Variants in ACAN observed in about 807,000 individuals in gnomAD.
The protein encoded by ACAN is aggrecan core protein.
A neutral mutation model predicts 169.1 loss-of-function variants in ACAN; 47 were observed. The ratio of observed to expected loss-of-function variants is 0.28; its 90% CI spans 0.22 to 0.35. ACAN has a LOEUF of 0.35. Among genes scored for constraint, ACAN ranks in the 10% least tolerant of loss-of-function variants. The pLI, the probability that ACAN is intolerant of heterozygous loss-of-function variation, is 1.00. For missense variants in ACAN, 2,716 were observed against 2,759.9 expected (o/e 0.98, Z 0.36); for synonymous variants, 1,115 against 1,112.2 (o/e 1.00, Z -0.05).
In ACAN at chr15:88,858,601, G is replaced by A; in HGVS notation, c.6016G>A (p.Gly2006Arg). The part of the protein sequence containing the change: ...GEPPGTPYFS[G>R]DFASTTNVSG... ...GCCACCAGGTACTCCATATTTTAGTGGGGATTTTGCCAGCACCACCAATGT... is the reference window on the plus strand; with the variant it reads ...GCCACCAGGTACTCCATATTTTAGTAGGGATTTTGCCAGCACCACCAATGT... The change falls in exon 12 of 19, where the codon GGG becomes AGG. Residue 2006 changes from glycine (G) to arginine (R), a missense_variant. Physicochemically the swap from Gly to Arg is moderately radical, Grantham distance 125. Transcript: ENST00000560601. The surrounding 1 kb of genome is among the most constrained non-coding windows in gnomAD (Gnocchi z 4.0). The A allele has an allele frequency of 1.2e-6, 2 of 1,613,940 alleles. No individual in the cohort carries two copies. Among genetic ancestry groups the A allele is most frequent in the Non-Finnish European group, 1.7e-6 (2 of 1,179,904 alleles).
chr15:88,853,597 C>T (rs28499259), intron 11 of ACAN, among the ~76,000 whole-genome samples: 4,210 of 152,056 alleles, frequency 0.028, 199 homozygotes, highest in African/African-American at 0.097. Context: ...AAGATGGTGC[C>T]ACCGCACTGC....
intron 1 of ACAN, among the ~76,000 whole-genome samples, chr15:88,821,153 A>G (rs1896066080): frequency 6.6e-6 from 1 of 152,166 alleles, no homozygotes; most frequent in Non-Finnish European, 1.5e-5. Flanking sequence ...GGGAACTACA[A>G]CTGAAAATGA....
At chr15:88,841,594 A>G (rs576539620) in intron 4 of ACAN, 146 bp from the exon 5 acceptor site, 1 of 1,036,206 alleles carries the variant, frequency 9.7e-7, no homozygotes, top group Non-Finnish European at 1.4e-6. Flanking sequence ...GTAAAAACAG[A>G]TAGGCAGTTG....
chr15:88,823,226 G>C (rs977981947), intron 1 of ACAN, among the ~76,000 whole-genome samples: 2 of 152,182 alleles, frequency 1.3e-5, no homozygotes. Flanking sequence ...CAAGATCCCT[G>C]CCCAGGAAAG....
At chr15:88,825,817 T>G (rs551301426) in intron 1 of ACAN, among the ~76,000 whole-genome samples, 2 of 152,076 alleles carry the variant, frequency 1.3e-5, no homozygotes, top group Non-Finnish European at 2.9e-5. Context: ...CACCCCCACC[T>G]CCAGAAGCAG....
chr15:88,850,144 C>T, intron 10 of ACAN: 1 of 467,096 alleles, frequency 2.1e-6, no homozygotes, highest in East Asian at 3.4e-5. Flanking sequence ...TAAATGTTAG[C>T]TTTATTTCAT....
In ACAN at chr15:88,841,880, G is replaced by A. The variant is rs1288036911; in HGVS notation, c.757+13G>A. The A allele has an allele frequency of 1.6e-5, 25 of 1,611,270 alleles. No homozygotes were observed. Among genetic ancestry groups the A allele is most frequent in the African/African-American group, 6.7e-5 (5 of 74,392 alleles). ...GAGGAGATGGAGGGTGAGCTGCCCT[G>A]CCCACCAGGAGGCACCCAGCTCCCT... On this transcript the variant is annotated intron_variant, in intron 5 of 18. Transcript: ENST00000560601.
At chr15:88,819,923 T>G (rs1896032210) in intron 1 of ACAN, among the ~76,000 whole-genome samples, 1 of 152,110 alleles carries the variant, frequency 6.6e-6, no homozygotes, top group South Asian at 2.1e-4. Context: ...AGAGCCCAGC[T>G]TTTGGAGTCA....
chr15:88,872,284 G>A lies in ACAN; in HGVS notation c.7302+199G>A, dbSNP rs1423184042. On this transcript the variant is annotated intron_variant, in intron 16 of 18. Coordinates refer to ENST00000560601, the MANE Select transcript of ACAN (RefSeq NM_001369268.1). This position sits in a 1 kb window ranked among gnomAD's most constrained non-coding sequence, Gnocchi z 5.4. The stretch of plus-strand genomic sequence containing the variant: ...GGCTGGACAGATTGAGCTAATGATG[G>A]CAAGAGGCAAGGAGCCAGGAAGGAA... 6.6e-6 allele frequency among the ~76,000 whole-genome samples: 1 copy of A among 152,188 alleles called. No individual in the cohort carries two copies. Among genetic ancestry groups the A allele is most frequent in the Non-Finnish European group, 1.5e-5 (1 of 68,020 alleles).
At chr15:88,846,892 C>G (rs1271426514) in intron 7 of ACAN, among the ~76,000 whole-genome samples, 1 of 152,214 alleles carries the variant, frequency 6.6e-6, no homozygotes, top group East Asian at 1.9e-4. Context: ...AAAACGCTTC[C>G]AACTCCTGTT....
At chr15:88,810,799 C>T (rs942184557) in intron 1 of ACAN, among the ~76,000 whole-genome samples, 7 of 152,166 alleles carry the variant, frequency 4.6e-5, no homozygotes, top group Admixed American at 2.6e-4. Flanking sequence ...GAGATGGGGG[C>T]TTGGAGGCGG....
At position 88,869,111 on chromosome 15, in the gene ACAN, C is replaced by G. The variant is rs528093325; in HGVS notation, c.7060+782C>G. Among the ~76,000 whole-genome samples the G allele has an allele frequency of 1.3e-5, 2 of 152,316 alleles. No homozygotes were observed. Among genetic ancestry groups the G allele is most frequent in the East Asian group, 3.9e-4 (2 of 5,182 alleles). ...GGAACCCTCCCAGGGACAGACTGAA[C>G]CCTCAGCTCTCTCACCTTTGGTGCT... On this transcript the variant is annotated intron_variant, in intron 14 of 18. Coordinates refer to ENST00000560601, the MANE Select transcript of ACAN (RefSeq NM_001369268.1). The surrounding 1 kb of genome is among the most constrained non-coding windows in gnomAD (Gnocchi z 4.2).
intron 1 of ACAN, among the ~76,000 whole-genome samples, chr15:88,813,586 A>C (rs755616552): frequency 3.3e-4 from 51 of 152,306 alleles, no homozygotes; most frequent in Non-Finnish European, 7.1e-4. Context: ...AGCTGCTTTT[A>C]GGAATAAATG....
intron 1 of ACAN, among the ~76,000 whole-genome samples, chr15:88,813,253 C>G (rs1346327618): frequency 6.6e-6 from 1 of 152,184 alleles, no homozygotes; most frequent in Non-Finnish European, 1.5e-5. Flanking sequence ...CCATGATACC[C>G]CATGGGGGCT....
At position 88,873,613 on chromosome 15, in the gene ACAN, C is replaced by T; in HGVS notation, c.7448-229C>T. 1 of 567,366 alleles carries T rather than the reference C, an allele frequency of 1.8e-6. No individual in the cohort carries two copies. The highest frequency in any genetic ancestry group is 3.1e-6 in the Non-Finnish European group (1 of 318,660). The allele number at this position is 567,366 out of a possible 1,614,324, so 35.1% of individuals were successfully genotyped here. On this transcript the variant is annotated intron_variant, in intron 17 of 18. Coordinates refer to ENST00000560601, the MANE Select transcript of ACAN (RefSeq NM_001369268.1). This position sits in a 1 kb window ranked among gnomAD's most constrained non-coding sequence, Gnocchi z 7.5. ...TTCTACCTCCCTTTCATCTTCTCTT[C>T]ATCCCTTTAAAGACCACCCCGTTTG...
chr15:88,857,188 C>T lies in ACAN; in HGVS notation c.4603C>T (p.Leu1535=), dbSNP rs1278190067. The T allele has an allele frequency of 2.5e-6, 4 of 1,613,714 alleles. No homozygotes were observed. Among genetic ancestry groups the T allele is most frequent in the Non-Finnish European group, 3.4e-6 (4 of 1,179,794 alleles). ...CAGGCTCCCTTCTGGAGAAGAAGTT[C>T]TAGAGATTTCTGCCTCTGGATTTGG... ...LSRLPSGEEV[L]EISASGFGDL... Residue 1535 remains leucine (L), a synonymous_variant, in exon 12 of 19, where the codon CTA becomes TTA. Coordinates refer to ENST00000560601, the MANE Select transcript of ACAN (RefSeq NM_001369268.1).
rs922896549 is a variant in ACAN at position 88,814,084 on chromosome 15, G to C, written c.-8+10275G>C. 6.6e-6 allele frequency among the ~76,000 whole-genome samples: 1 copy of C among 152,206 alleles called. No homozygotes were observed. Among genetic ancestry groups the C allele is most frequent in the African/African-American group, 2.4e-5 (1 of 41,442 alleles). On this transcript the variant is annotated intron_variant, in intron 1 of 18. Coordinates refer to ENST00000560601, the MANE Select transcript of ACAN (RefSeq NM_001369268.1). This position sits in a 1 kb window ranked among gnomAD's most constrained non-coding sequence, Gnocchi z 4.0. ...TTCCAGGAGTGGATGGGATAGAAGG[G>C]CTCCAGGCTCACCAAAGTGACTTCG...
chr15:88,815,650 A>G (rs1290298339), intron 1 of ACAN, among the ~76,000 whole-genome samples: 35 of 117,310 alleles, frequency 3.0e-4, no homozygotes, highest in African/African-American at 1.1e-3. Context: ...AATGTTCTGC[A>G]CTGATTAAAA....
At position 88,851,839 on chromosome 15, in the gene ACAN, C is replaced by A; in HGVS notation, c.2072C>A (p.Pro691His). The A allele has an allele frequency of 6.2e-7, 1 of 1,610,242 alleles. No homozygotes were observed. The highest frequency in any genetic ancestry group is 8.5e-7 in the Non-Finnish European group (1 of 1,178,320). ...CCAGGAGAAGAAGAGGGTGGCACAC[C>A]CACATCACCCTCTGGTGTGGAGGAG... ...PSPGEEEGGT[P>H]TSPSGVEEWI... The change falls in exon 11 of 19, where the codon CCC becomes CAC. Residue 691 changes from proline to histidine, a missense_variant. By Grantham distance (77) the Pro-to-His change is moderately conservative (BLOSUM62 -2). Transcript: ENST00000560601. The surrounding 1 kb of genome is among the most constrained non-coding windows in gnomAD (Gnocchi z 4.3).
Sources: allele counts gnomAD v4.1 joint callset (sites outside exome capture counted in the v4.1 genomes callset), GRCh38; gene constraint gnomAD v4.1.1; non-coding constraint Gnocchi (gnomAD v3.1); transcripts MANE v1.5; gene names NCBI Gene and HGNC (gene_info 2026-07-23, HGNC 2026-07-21).